The following ARSG variants were observed in gnomAD, a reference collection of about 807,000 sequenced individuals.
ARSG encodes ASG.
A neutral mutation model predicts 50.5 loss-of-function variants in ARSG; 37 were observed. The observed-to-expected ratio is 0.73, with a 90% CI of 0.56 to 0.96. The LOEUF is 0.96. Ranked by LOEUF, ARSG falls within the 50% of genes least tolerant of loss-of-function variation. ARSG has a pLI of 0.00. For synonymous variants in ARSG, 225 were observed against 254.6 expected (o/e 0.88, Z 1.11); for missense variants, 629 against 675.3 (o/e 0.93, Z 0.76).
At position 68,356,703 on chromosome 17, in the gene ARSG, C is replaced by G. The variant is rs115207014; in HGVS notation, c.603C>G (p.Leu201=). The G allele has an allele frequency of 6.2e-7, 1 of 1,614,218 alleles. No homozygotes were observed. Among genetic ancestry groups the G allele is most frequent in the South Asian group, 1.1e-5 (1 of 91,084 alleles). Reference sequence around the variant, plus strand: ...GAGACTGTTACACTGACGTGGCCCTCCCTCTTTATGAAAACCTCAACATTG... The same window carrying G: ...GAGACTGTTACACTGACGTGGCCCTGCCTCTTTATGAAAACCTCAACATTG... ...LQRDCYTDVA[L]PLYENLNIVE... The change falls in exon 6 of 12, where the codon CTC becomes CTG. Residue 201 remains leucine (L), a synonymous_variant. Transcript: ENST00000621439.
At chr17:68,451,251 C>T in the ARSG span, among the ~76,000 whole-genome samples, 9 of 152,046 alleles carry the variant, frequency 5.9e-5, no homozygotes, top group Non-Finnish European at 4.4e-5. Flanking sequence ...GCCAACATGG[C>T]GAAACCCCAT....
chr17:68,436,534 G>A, the ARSG span: 1,060 of 1,519,972 alleles, frequency 7.0e-4, 17 homozygotes, highest in South Asian at 0.011. Flanking sequence ...GAGATTGCAC[G>A]GCTGGAGAGG....
the ARSG span, among the ~76,000 whole-genome samples, chr17:68,438,210 G>A: frequency 6.6e-6 from 1 of 151,764 alleles, no homozygotes; most frequent in African/African-American, 2.4e-5. Context: ...GGGAGGAAGT[G>A]GCTGAGCCCC....
downstream of ARSG, chr17:68,425,907 C>T (rs190732416): frequency 3.8e-5 from 23 of 609,542 alleles, no homozygotes; most frequent in Middle Eastern, 4.4e-4. Context: ...CTGTAGGATT[C>T]GAAGCACACA....
chr17:68,409,931 G>A (rs113728009), intron 11 of ARSG, among the ~76,000 whole-genome samples: 1,941 of 148,784 alleles, frequency 0.013, 34 homozygotes, highest in African/African-American at 0.046. Flanking sequence ...TTTGTCTGTT[G>A]TTGGTGTATA....
intron 11 of ARSG, among the ~76,000 whole-genome samples, chr17:68,410,802 C>G (rs930266627): frequency 6.6e-6 from 1 of 152,116 alleles, no homozygotes; most frequent in Non-Finnish European, 1.5e-5. Context: ...AATTTCAGAT[C>G]CTGTTATTGG....
chr17:68,331,295 G>T (rs1180858583), intron 2 of ARSG, among the ~76,000 whole-genome samples: 1 of 147,972 alleles, frequency 6.8e-6, no homozygotes, highest in Non-Finnish European at 1.5e-5. Flanking sequence ...CTGTCACCCA[G>T]ACTGGAGTGT....
intron 11 of ARSG, among the ~76,000 whole-genome samples, chr17:68,409,456 GCT>G (rs1169732327): frequency 1.3e-5 from 2 of 150,926 alleles, no homozygotes; most frequent in African/African-American, 4.9e-5. Context: ...ATTCCTGAGG[GCT>G]CTGTTCTGTT....
chr17:68,272,824 G>T (rs1555749508), intron 1 of ARSG: 2 of 1,596,966 alleles, frequency 1.3e-6, no homozygotes, highest in African/African-American at 2.7e-5. Flanking sequence ...GAGACTGGAA[G>T]GATGCATTAA....
intron 2 of ARSG, among the ~76,000 whole-genome samples, chr17:68,325,301 T>C (rs534696187): frequency 5.3e-5 from 8 of 152,186 alleles, no homozygotes; most frequent in African/African-American, 1.9e-4. Flanking sequence ...TAATGCCTGA[T>C]GATCTGTCAG....
chr17:68,282,279 A>T (rs1321243020), intron 1 of ARSG, among the ~76,000 whole-genome samples: 1 of 151,280 alleles, frequency 6.6e-6, no homozygotes, highest in Non-Finnish European at 1.5e-5. Flanking sequence ...ACACGTTCTC[A>T]CTCATAGGTG....
chr17:68,324,359 G>T (rs1261473870), intron 2 of ARSG, among the ~76,000 whole-genome samples: 3 of 152,108 alleles, frequency 2.0e-5, no homozygotes, highest in African/African-American at 7.2e-5. Flanking sequence ...TGTGAGTCAG[G>T]CTCTCGGGGC....
rs529550904 is a variant in ARSG, at chr17:68,367,896, C to A, written c.705-652C>A. ...GGCCAACCTAGCCAACGTAGCAAAA[C>A]CCCATCTCTACTAAAAATACAAAAT... On this transcript the variant is annotated intron_variant, in intron 6 of 11. Transcript: ENST00000621439. This position sits in a 1 kb window ranked among gnomAD's most constrained non-coding sequence, Gnocchi z 4.5. Among the ~76,000 whole-genome samples, 259 of 152,286 alleles carry A rather than the reference C, an allele frequency of 1.7e-3. No individual in the cohort carries two copies. The highest frequency in any genetic ancestry group is 6.8e-3 in the Middle Eastern group (2 of 294).
At chr17:68,413,145 TTTGTTCCG>T (rs1267003729) in intron 11 of ARSG, among the ~76,000 whole-genome samples, 1 of 152,170 alleles carries the variant, frequency 6.6e-6, no homozygotes, top group African/African-American at 2.4e-5. Context: ...TCTGTCCAGC[TTTGTTCCG>T]TTGCTGGTGA....
At chr17:68,361,458 A>G (rs1471028720) in intron 6 of ARSG, among the ~76,000 whole-genome samples, 1 of 152,160 alleles carries the variant, frequency 6.6e-6, no homozygotes, top group Non-Finnish European at 1.5e-5. Flanking sequence ...TCATGCCTGT[A>G]ATCCCAACAC....
chr17:68,446,642 G>A, the ARSG span, among the ~76,000 whole-genome samples: 3 of 152,176 alleles, frequency 2.0e-5, no homozygotes, highest in Non-Finnish European at 4.4e-5. Flanking sequence ...AGCACATGCC[G>A]TGGTTAGAAC....
intron 5 of ARSG, among the ~76,000 whole-genome samples, chr17:68,356,245 G>A (rs1599858126): frequency 6.6e-6 from 1 of 152,112 alleles, no homozygotes; most frequent in South Asian, 2.1e-4. Context: ...TGTTGACTTC[G>A]GAAAACGCTG....
intron 2 of ARSG, among the ~76,000 whole-genome samples, chr17:68,322,562 C>T (rs559970650): frequency 5.9e-5 from 9 of 151,862 alleles, no homozygotes; most frequent in African/African-American, 2.2e-4. Context: ...GGTTGCAGTG[C>T]GCCAAGATTG....
intron 2 of ARSG, among the ~76,000 whole-genome samples, chr17:68,338,238 G>A (rs1316844060): frequency 6.6e-6 from 1 of 151,998 alleles, no homozygotes; most frequent in African/African-American, 2.4e-5. Flanking sequence ...TGCGCGTGTG[G>A]GTGTCCCACA....
Sources: gnomAD v4.1 joint callset for allele counts (sites outside exome capture counted in the v4.1 genomes callset) on GRCh38, gnomAD v4.1.1 for gene constraint, Gnocchi (gnomAD v3.1) non-coding constraint, MANE v1.5 for transcripts, NCBI Gene and HGNC (gene_info 2026-07-23, HGNC 2026-07-21) for gene names.